The following EIF3J variants were observed in gnomAD, a reference collection of about 807,000 sequenced individuals.
EIF3J encodes eukaryotic translation initiation factor 3 subunit J, also known as eukaryotic translation initiation factor 3, subunit 1 (alpha, 35kD).
A neutral mutation model predicts 39.0 loss-of-function variants in EIF3J; 15 were observed. The observed-to-expected ratio is 0.38, with a 90% CI of 0.26 to 0.59. The LOEUF (loss-of-function observed/expected upper bound fraction) is 0.59, where lower values mean the gene tolerates loss of function less well. Ranked by LOEUF, EIF3J falls within the 20% of genes least tolerant of loss-of-function variation. The pLI, the probability that EIF3J is intolerant of heterozygous loss-of-function variation, is 0.60. For missense variants in EIF3J, 226 were observed against 308.6 expected, an observed-to-expected ratio of 0.73 and a Z score of 2.00; for synonymous variants, 98 against 112.9, an observed-to-expected ratio of 0.87 and a Z score of 0.84.
At chr15:44,559,663 C>T (rs867764180) in intron 6 of EIF3J, among the ~76,000 whole-genome samples, 2 of 150,920 alleles carry the variant, frequency 1.3e-5, no homozygotes, top group Non-Finnish European at 2.9e-5. Flanking sequence ...GCCGAGATCG[C>T]GTCACTGCAC....
intron 2 of EIF3J, among the ~76,000 whole-genome samples, chr15:44,541,157 A>G (rs1264674312): frequency 6.6e-6 from 1 of 152,168 alleles, no homozygotes; most frequent in Non-Finnish European, 1.5e-5. Context: ...ATAGTTGTGC[A>G]GAGGTAGTGG....
chr15:44,550,572 A>G (rs1234138049), intron 2 of EIF3J: 2 of 191,762 alleles, frequency 1.0e-5, no homozygotes, highest in Non-Finnish European at 2.1e-5. Context: ...TAATAGCAAC[A>G]TACAAGATGA....
chr15:44,546,283 T>G (rs1360856091), intron 2 of EIF3J, among the ~76,000 whole-genome samples: 1 of 152,184 alleles, frequency 6.6e-6, no homozygotes, highest in Non-Finnish European at 1.5e-5. Flanking sequence ...AACTGCGAGC[T>G]GTGGGTTAAA....
At chr15:44,550,283 TC>T (rs1272519326) in intron 2 of EIF3J, among the ~76,000 whole-genome samples, 1 of 152,056 alleles carries the variant, frequency 6.6e-6, no homozygotes, top group African/African-American at 2.4e-5. Context: ...AAGCCAATAG[TC>T]ATTTTTGTTT....
Position 44,537,224 on chromosome 15 carries a change from C to G in EIF3J, c.30C>G (p.Asp10Glu). 2.5e-6 allele frequency: 4 copies of G among 1,590,686 alleles called. No homozygotes were observed. The highest frequency in any genetic ancestry group is 3.4e-6 in the Non-Finnish European group (4 of 1,165,978). Residue 10 changes from aspartate to glutamate, a missense_variant, in exon 1 of 8, where the codon GAC becomes GAG. Physicochemically the swap from Asp to Glu is conservative, Grantham distance 45 (BLOSUM62 2). Coordinates refer to ENST00000261868, the MANE Select transcript of EIF3J (RefSeq NM_003758.4). ...CGGCGGCGGCGGCGGCGGCGGGGGA[C>G]TCGGACTCCTGGGGTGAGGAGAAGT... MAAAAAAAG[D>E]SDSWDADAFS... is the part of the protein sequence containing the mutation.
chr15:44,557,401 G>T, intron 5 of EIF3J, 88 bp from the exon 6 acceptor site: 1 of 1,016,814 alleles, frequency 9.8e-7, no homozygotes, highest in Non-Finnish European at 1.4e-6. Context: ...AAACGACAGG[G>T]TTATTCAGAT....
chr15:44,551,869 C>T (rs887384767), intron 4 of EIF3J, among the ~76,000 whole-genome samples: 3 of 149,668 alleles, frequency 2.0e-5, no homozygotes, highest in South Asian at 4.2e-4. Context: ...CTTGCTCTGT[C>T]GCTAGGCTGG....
chr15:44,537,266 G>A lies in EIF3J; in HGVS notation c.43+29G>A, dbSNP rs1555443446. The A allele has an allele frequency of 8.9e-6, 14 of 1,573,114 alleles. No individual in the cohort carries two copies. The South Asian group carries it at 1.3e-4, about 14-fold the overall frequency. On this transcript the variant is annotated intron_variant, in intron 1 of 7. Transcript: ENST00000261868. ...AGGAGAAGTTGCTGGGGCAGGGCCC[G>A]GGCCGGCGCCGGCCCCACGCAGTGG...
At chr15:44,560,727 T>G (rs947350244) in intron 7 of EIF3J, among the ~76,000 whole-genome samples, 2 of 152,184 alleles carry the variant, frequency 1.3e-5, no homozygotes, top group Admixed American at 1.3e-4. Flanking sequence ...GGGGTACTTA[T>G]CCACACTTTT....
intron 2 of EIF3J, among the ~76,000 whole-genome samples, chr15:44,538,978 C>T (rs2081984868): frequency 1.3e-5 from 2 of 151,692 alleles, no homozygotes; most frequent in South Asian, 4.1e-4. Context: ...GGAATAACTT[C>T]CTTGGGATTA....
At chr15:44,546,563 C>T (rs1402317581) in intron 2 of EIF3J, among the ~76,000 whole-genome samples, 2 of 152,110 alleles carry the variant, frequency 1.3e-5, no homozygotes, top group Admixed American at 1.3e-4. Context: ...TCTTTAGTAG[C>T]ATCAGGGCCT....
chr15:44,538,079 G>T (rs1389648344), intron 2 of EIF3J, among the ~76,000 whole-genome samples: 1 of 152,106 alleles, frequency 6.6e-6, no homozygotes, highest in Non-Finnish European at 1.5e-5. Context: ...CCTGAGAAAT[G>T]GAGAGACGAC....
chr15:44,551,944 C>T (rs1409920895), intron 4 of EIF3J, among the ~76,000 whole-genome samples: 1 of 152,000 alleles, frequency 6.6e-6, no homozygotes, highest in Non-Finnish European at 1.5e-5. Context: ...ATTCCCCTGC[C>T]TCAGCCTCCT....
At chr15:44,547,511 A>G (rs1248398787) in intron 2 of EIF3J, among the ~76,000 whole-genome samples, 1 of 139,298 alleles carries the variant, frequency 7.2e-6, no homozygotes. Context: ...GTGCAGTGGC[A>G]CAATCTTGGC....
At chr15:44,560,803 G>A (rs1186497488) in intron 7 of EIF3J, among the ~76,000 whole-genome samples, 1 of 152,168 alleles carries the variant, frequency 6.6e-6, no homozygotes, top group African/African-American at 2.4e-5. Context: ...GGTGGGCTAG[G>A]TATCCAGAGC....
intron 2 of EIF3J, among the ~76,000 whole-genome samples, chr15:44,548,061 C>T (rs1367381859): frequency 6.6e-6 from 1 of 152,084 alleles, no homozygotes; most frequent in East Asian, 1.9e-4. Context: ...CAAGAAAACA[C>T]TAAAAAATCT....
intron 5 of EIF3J, among the ~76,000 whole-genome samples, chr15:44,554,915 CAG>C (rs368596193): frequency 3.3e-5 from 5 of 152,278 alleles, no homozygotes; most frequent in African/African-American, 1.2e-4. Flanking sequence ...GGAGTAGACT[CAG>C]ATGAAGTACA....
chr15:44,549,012 A>G (rs1489107271), intron 2 of EIF3J, among the ~76,000 whole-genome samples: 2 of 152,206 alleles, frequency 1.3e-5, no homozygotes, highest in Non-Finnish European at 2.9e-5. Context: ...AACACAAGAA[A>G]AAAACTCCAA....
At chr15:44,543,697 T>C (rs551783173) in intron 2 of EIF3J, among the ~76,000 whole-genome samples, 3 of 152,186 alleles carry the variant, frequency 2.0e-5, no homozygotes, top group South Asian at 4.2e-4. Context: ...CAGGCATGAG[T>C]CACCACGCCT....
Sources: allele counts gnomAD v4.1 joint callset (sites outside exome capture counted in the v4.1 genomes callset), GRCh38; gene constraint gnomAD v4.1.1; transcripts MANE v1.5; gene names NCBI Gene and HGNC (gene_info 2026-07-23, HGNC 2026-07-21).